Variants in MSH6 observed in about 807,000 individuals in gnomAD.
The protein encoded by MSH6 is DNA mismatch repair protein Msh6.
A neutral mutation model predicts 119.1 loss-of-function variants in MSH6; 85 were observed. The observed-to-expected ratio is 0.71, with a 90% CI of 0.60 to 0.85. The LOEUF is 0.85. MSH6 is among the 40% of genes least tolerant of loss of function. The probability of loss-of-function intolerance (pLI) is 0.00; values close to 1 mark genes in which losing one functional copy is unlikely to be tolerated. For synonymous variants in MSH6, 830 were observed against 586.9 expected (o/e 1.41, Z -5.99); for missense variants, 2,163 against 1,655.3 (o/e 1.31, Z -5.32).
At chr2:47,789,971 CA>C (rs1668631418) in intron 1 of MSH6, among the ~76,000 whole-genome samples, 2 of 152,120 alleles carry the variant, frequency 1.3e-5, no homozygotes, top group East Asian at 3.9e-4. Flanking sequence ...AGGTGTGAGC[CA>C]TCATACCTGG....
At chr2:47,791,705 G>C (rs1668739992) in intron 2 of MSH6, among the ~76,000 whole-genome samples, 1 of 143,044 alleles carries the variant, frequency 7.0e-6, no homozygotes, top group South Asian at 2.2e-4. Context: ...TGGAGACAGA[G>C]TCTCACTCTG....
chr2:47,809,546 TTATC>T, downstream of MSH6: 2 of 1,302,984 alleles, frequency 1.5e-6, no homozygotes, highest in Non-Finnish European at 2.2e-6. Context: ...CGGCTTCTGA[TTATC>T]TTTCATGGCA....
downstream of MSH6, chr2:47,807,207 C>CT (rs55886808): frequency 1.6e-5 from 4 of 256,422 alleles, no homozygotes; most frequent in Non-Finnish European, 3.0e-5. Flanking sequence ...GCAGTTTTGT[C>CT]TAAACTGTTC....
Position 47,783,315 on chromosome 2 carries a change from T to C in MSH6, c.82T>C (p.Ser28Pro), listed in dbSNP as rs1223620783. The C allele has an allele frequency of 6.2e-7, 1 of 1,611,676 alleles. No homozygotes were observed. The highest frequency in any genetic ancestry group is 8.5e-7 in the Non-Finnish European group (1 of 1,179,352). ...TGCCAACAAGGCCTCGGCCAGGGCC[T>C]CACGCGAAGGCGGCCGTGCCGCCGC... is the stretch of plus-strand genomic sequence containing the variant. ...SDANKASARA[S>P]REGGRAAAAP... is the part of the protein sequence containing the mutation. Residue 28 changes from serine (S) to proline (P), a missense_variant, in exon 1 of 10, where the codon TCA (serine) becomes CCA (proline). Physicochemically the swap from Ser to Pro is moderately conservative, Grantham distance 74 (BLOSUM62 -1). Coordinates refer to ENST00000234420, the MANE Select transcript of MSH6 (RefSeq NM_000179.3).
chr2:47,788,906 C>CTTTTTTTTTT (rs1491155839), intron 1 of MSH6, among the ~76,000 whole-genome samples: 172 of 15,818 alleles, frequency 0.011, 26 homozygotes, highest in South Asian at 0.025. Flanking sequence ...CTTTCTTCTT[C>CTTTTTTTTTT]CTTTTTTTTT....
chr2:47,792,707 C>T (rs1572711378), intron 2 of MSH6, among the ~76,000 whole-genome samples: 1 of 152,148 alleles, frequency 6.6e-6, no homozygotes, highest in Middle Eastern at 3.4e-3. Flanking sequence ...CACTCTGTCA[C>T]CCAGCCTGGA....
chr2:47,793,461 C>G (rs1358377577), intron 2 of MSH6, among the ~76,000 whole-genome samples: 1 of 150,666 alleles, frequency 6.6e-6, no homozygotes, highest in African/African-American at 2.4e-5. Context: ...AACACTGTCT[C>G]TACTAAAAAT....
At position 47,801,093 on chromosome 2, in the gene MSH6, T is replaced by C. The variant is rs2104440699; in HGVS notation, c.3110T>C (p.Phe1037Ser). The C allele has an allele frequency of 1.9e-6, 3 of 1,612,894 alleles. No individual in the cohort carries two copies. The highest frequency in any genetic ancestry group is 2.5e-6 in the Non-Finnish European group (3 of 1,179,794). ...TTGAAGGACTGCATGCGGCGACTGT[T>C]CTATAACTTTGATAAAAATTACAAG... ...VSLKDCMRRL[F>S]YNFDKNYKDW... The change falls in exon 4 of 10, where the codon TTC (phenylalanine) becomes TCC (serine). Residue 1037 changes from phenylalanine (F) to serine (S), a missense_variant. Physicochemically the swap from Phe to Ser is radical, Grantham distance 155. Coordinates refer to ENST00000234420, the MANE Select transcript of MSH6 (RefSeq NM_000179.3).
downstream of MSH6, chr2:47,806,997 C>T (rs1670251451): frequency 2.8e-6 from 2 of 705,674 alleles, no homozygotes; most frequent in Non-Finnish European, 5.0e-6. Context: ...CCTTTTAATT[C>T]TTATCTACCT....
At chr2:47,802,283 G>A (rs1243826163) in intron 4 of MSH6, among the ~76,000 whole-genome samples, 2 of 152,060 alleles carry the variant, frequency 1.3e-5, no homozygotes, top group African/African-American at 2.4e-5. Flanking sequence ...TAAATGTCAC[G>A]GCCAACATTA....
chr2:47,805,085 T>C (rs1011121387), intron 6 of MSH6, 58 bp downstream of exon 6: 3 of 1,167,062 alleles, frequency 2.6e-6, no homozygotes, highest in East Asian at 2.3e-5. Context: ...TGATAAAAGA[T>C]ATTTGCTTCT....
intron 4 of MSH6, 43 bp downstream of exon 4, chr2:47,801,198 T>C (rs201806460): frequency 1.8e-4 from 291 of 1,596,564 alleles, no homozygotes; most frequent in Middle Eastern, 4.9e-4. Context: ...TGATAAGTAG[T>C]GCTGTTTGCC....
chr2:47,788,900 CTTCTTCCTTTTTTTTTTTTTTGTTTTTTT>C (rs1411519407), intron 1 of MSH6, among the ~76,000 whole-genome samples: 36 of 47,336 alleles, frequency 7.6e-4, no homozygotes, highest in Admixed American at 1.6e-3. Flanking sequence ...TTCTTTCTTT[CTTCTTCCTTTTTTTTTTTTTTGTTTTTTT>C]TTTTTTTTTT....
downstream of MSH6, chr2:47,809,428 C>T (rs1670459514): frequency 5.8e-6 from 4 of 684,598 alleles, no homozygotes; most frequent in Non-Finnish European, 9.6e-6. Context: ...ATAGAATTTT[C>T]CTTGTATAAG....
chr2:47,790,528 A>G (rs912663527), intron 1 of MSH6, among the ~76,000 whole-genome samples: 3 of 152,214 alleles, frequency 2.0e-5, no homozygotes, highest in African/African-American at 7.2e-5. Context: ...AGTATGCTTT[A>G]TAATAATATT....
chr2:47,809,305 T>C (rs1362972204), downstream of MSH6: 1 of 1,325,770 alleles, frequency 7.5e-7, no homozygotes, highest in Non-Finnish European at 1.1e-6. Context: ...TTCAGAGGAA[T>C]GTTAATATTT....
chr2:47,799,150 C>T lies in MSH6; in HGVS notation c.1167C>T (p.Pro389=), dbSNP rs1042819. The T allele has an allele frequency of 4.2e-5, 68 of 1,613,686 alleles. No homozygotes were observed. Among genetic ancestry groups the T allele is most frequent in the Middle Eastern group, 1.7e-4 (1 of 6,060 alleles). Residue 389 remains proline (P), a synonymous_variant, in exon 4 of 10, where the codon CCC becomes CCT. Coordinates refer to ENST00000234420, the MANE Select transcript of MSH6 (RefSeq NM_000179.3). ...AGCACAGGAGGAGGCCTGATCACCC[C>T]GATTTTGATGCATCTACACTCTATG... is the stretch of plus-strand genomic sequence containing the variant. ...RDEHRRRPDH[P]DFDASTLYVP... is the part of the protein sequence containing the mutation.
chr2:47,808,567 T>C, downstream of MSH6: 1 of 612,964 alleles, frequency 1.6e-6, no homozygotes, highest in Non-Finnish European at 2.7e-6. Flanking sequence ...AGATTAATTC[T>C]GAAAAGGAAC....
chr2:47,802,635 GTTT>G lies in MSH6; in HGVS notation c.3173-765_3173-763del, dbSNP rs527836963. The stretch of plus-strand genomic sequence containing the variant: ...CGCATGAGCCACTGCGCCCAGCCCT[GTTT>G]TTTTTTTTTTTTTTTTTTTAAATAA... On this transcript the variant is annotated intron_variant, in intron 4 of 9. Coordinates refer to ENST00000234420, the MANE Select transcript of MSH6 (RefSeq NM_000179.3). Among the ~76,000 whole-genome samples, 332 of 115,912 alleles carry G rather than the reference GTTT, an allele frequency of 2.9e-3. 1 individual carries two copies. Among genetic ancestry groups the G allele is most frequent in the Non-Finnish European group, 4.0e-3 (216 of 54,532 alleles). The allele number at this position is 115,912 out of a possible 152,430, so 76.0% of individuals were successfully genotyped here.
Sources: allele counts gnomAD v4.1 joint callset (sites outside exome capture counted in the v4.1 genomes callset), GRCh38; gene constraint gnomAD v4.1.1; transcripts MANE v1.5; gene names NCBI Gene and HGNC (gene_info 2026-07-23, HGNC 2026-07-21).